PTPRD: variants seen among roughly 807,000 people sequenced by gnomAD.
PTPRD encodes receptor-type tyrosine-protein phosphatase delta.
PTPRD carries 34 observed loss-of-function variants against 214.5 expected under a neutral mutation model. The ratio of observed to expected loss-of-function variants is 0.16; its 90% CI spans 0.12 to 0.21. The LOEUF (loss-of-function observed/expected upper bound fraction) is 0.21. Ranked by LOEUF, PTPRD falls within the 10% of genes least tolerant of loss-of-function variation. The pLI is 1.00. For synonymous variants in PTPRD, 1,128 were observed against 845.7 expected (o/e 1.33, Z -5.79); for missense variants, 2,545 against 2,398.7 (o/e 1.06, Z -1.27).
rs572500131 is a variant in PTPRD at position 10,521,992 on chromosome 9, A to G, written c.-600+90406T>C. The stretch of plus-strand genomic sequence containing the variant: ...TATGTCTGTATGGTCTTTTTGATCC[A>G]TAAGTACACAAACTGTTAGGGAAGG... On this transcript the variant is annotated intron_variant, in intron 2 of 45. Coordinates refer to ENST00000381196, the MANE Select transcript of PTPRD (RefSeq NM_002839.4). Among the ~76,000 whole-genome samples, 4 of 152,228 alleles carry G rather than the reference A, an allele frequency of 2.6e-5. No homozygotes were observed. In the South Asian group the frequency reaches 6.2e-4, roughly 24 times the overall value.
chr9:10,188,575 C>CTT (rs35140958), intron 3 of PTPRD, among the ~76,000 whole-genome samples: 8 of 143,722 alleles, frequency 5.6e-5, no homozygotes, highest in African/African-American at 1.5e-4. Flanking sequence ...TAAATAGTAT[C>CTT]TTTTTTTTTT....
chr9:9,242,403 T>C (rs1271581839), intron 9 of PTPRD, among the ~76,000 whole-genome samples: 1 of 152,178 alleles, frequency 6.6e-6, no homozygotes, highest in Non-Finnish European at 1.5e-5. Flanking sequence ...CCTTGCTAGA[T>C]TGGGGAAGTT....
At chr9:9,736,538 A>G (rs914635501) in intron 6 of PTPRD, among the ~76,000 whole-genome samples, 10 of 152,090 alleles carry the variant, frequency 6.6e-5, no homozygotes, top group Non-Finnish European at 1.0e-4. Context: ...AAATATGCCT[A>G]TGTTCTACTT....
At chr9:10,592,118 A>C (rs373595708) in intron 2 of PTPRD, among the ~76,000 whole-genome samples, 1 of 152,120 alleles carries the variant, frequency 6.6e-6, no homozygotes, top group African/African-American at 2.4e-5. Context: ...ATGAGTATTA[A>C]GACTGAAGCA....
intron 2 of PTPRD, among the ~76,000 whole-genome samples, chr9:10,384,905 A>G (rs924708462): frequency 1.3e-5 from 2 of 151,786 alleles, no homozygotes; most frequent in African/African-American, 4.8e-5. Flanking sequence ...TCTGATTTAC[A>G]TCTTAAATGT....
chr9:9,967,479 C>T (rs1175753101), intron 4 of PTPRD, among the ~76,000 whole-genome samples: 2 of 152,066 alleles, frequency 1.3e-5, no homozygotes, highest in African/African-American at 2.4e-5. Context: ...AGGAAGAAAA[C>T]ATTTATTGAG....
At chr9:8,870,714 A>ACACACACACACACACG (rs1555457925) in intron 11 of PTPRD, among the ~76,000 whole-genome samples, 4,902 of 150,064 alleles carry the variant, frequency 0.033, 125 homozygotes, top group East Asian at 0.068. Context: ...ACACACACAC[A>ACACACACACACACACG]CACACACACA....
chr9:9,459,189 C>A (rs906116422), intron 8 of PTPRD, among the ~76,000 whole-genome samples: 3 of 151,938 alleles, frequency 2.0e-5, no homozygotes, highest in African/African-American at 7.3e-5. Context: ...TACAGCAAAG[C>A]AGTATTTGAG....
chr9:9,072,807 C>T (rs572519942), intron 10 of PTPRD, among the ~76,000 whole-genome samples: 1 of 152,100 alleles, frequency 6.6e-6, no homozygotes, highest in African/African-American at 2.4e-5. Context: ...TACATGGAGT[C>T]ACATTTTGCC....
At chr9:8,463,685 C>T (rs575565697) in intron 32 of PTPRD, among the ~76,000 whole-genome samples, 43 of 151,950 alleles carry the variant, frequency 2.8e-4, no homozygotes, top group African/African-American at 9.9e-4. Flanking sequence ...TTGTGCGTGG[C>T]AATAAGAGAT....
chr9:8,941,051 C>T lies in PTPRD; in HGVS notation c.-104+77646G>A, dbSNP rs1395680269. ...CACAGCAGTAATAACCCATCAGGAACTCCTGATAAACCCATCTCAAGAAAT... is the reference window on the plus strand; with the variant it reads ...CACAGCAGTAATAACCCATCAGGAATTCCTGATAAACCCATCTCAAGAAAT... On this transcript the variant is annotated intron_variant, in intron 11 of 45. Coordinates refer to ENST00000381196, the MANE Select transcript of PTPRD (RefSeq NM_002839.4). 3.3e-5 allele frequency among the ~76,000 whole-genome samples: 5 copies of T among 152,142 alleles called. No individual in the cohort carries two copies. The East Asian group carries it at 9.6e-4, about 29-fold the overall frequency.
intron 9 of PTPRD, among the ~76,000 whole-genome samples, chr9:9,388,608 G>T (rs1216519175): frequency 6.6e-6 from 1 of 151,996 alleles, no homozygotes; most frequent in Non-Finnish European, 1.5e-5. Context: ...TCACAGGCTT[G>T]TTCTCATATA....
At chr9:8,660,761 G>C (rs1327857337) in intron 12 of PTPRD, among the ~76,000 whole-genome samples, 2 of 152,108 alleles carry the variant, frequency 1.3e-5, no homozygotes, top group African/African-American at 4.8e-5. Flanking sequence ...AAAGAAGTAA[G>C]GTTTTATATA....
chr9:8,331,502 A>AAACTT, intron 44 of PTPRD, 80 bp downstream of exon 44: 2 of 1,504,798 alleles, frequency 1.3e-6, no homozygotes, highest in South Asian at 1.2e-5. Context: ...TCAAATAAGC[A>AAACTT]AACTTACTAC....
chr9:9,699,549 T>C (rs1453456489), intron 7 of PTPRD, among the ~76,000 whole-genome samples: 1 of 152,274 alleles, frequency 6.6e-6, no homozygotes. Flanking sequence ...ATGAATCTTA[T>C]CTATTAGAAC....
At chr9:8,786,940 T>C (rs2096005923) in intron 11 of PTPRD, among the ~76,000 whole-genome samples, 1 of 152,114 alleles carries the variant, frequency 6.6e-6, no homozygotes, top group African/African-American at 2.4e-5. Flanking sequence ...GGTCTCACTC[T>C]GCTGCCCAGG....
intron 11 of PTPRD, among the ~76,000 whole-genome samples, chr9:8,950,683 T>C (rs2099096806): frequency 6.6e-6 from 1 of 151,886 alleles, no homozygotes; most frequent in Admixed American, 6.6e-5. Flanking sequence ...CTATACACTA[T>C]TAACACTTAG....
chr9:8,469,019 G>A (rs900132730), intron 31 of PTPRD, among the ~76,000 whole-genome samples: 1 of 151,934 alleles, frequency 6.6e-6, no homozygotes, highest in African/African-American at 2.4e-5. Context: ...ATTCTACAAT[G>A]TGGTCTCAAT....
chr9:8,811,306 T>C (rs1248321059), intron 11 of PTPRD, among the ~76,000 whole-genome samples: 7 of 152,054 alleles, frequency 4.6e-5, no homozygotes, highest in African/African-American at 1.2e-4. Context: ...CTGGCATTTA[T>C]ACCACTCAAC....
Sources: allele counts gnomAD v4.1 joint callset (sites outside exome capture counted in the v4.1 genomes callset), GRCh38; gene constraint gnomAD v4.1.1; transcripts MANE v1.5; gene names NCBI Gene and HGNC (gene_info 2026-07-23, HGNC 2026-07-21).